Variants in PTH2R observed in about 807,000 individuals in gnomAD.
The protein encoded by PTH2R is parathyroid hormone 2 receptor.
In PTH2R, 59 loss-of-function variants were observed where a neutral mutation model predicts 60.3. The ratio of observed to expected loss-of-function variants is 0.98; its 90% CI spans 0.79 to 1.22. PTH2R has a LOEUF of 1.22. Ranked by LOEUF, PTH2R falls within the 50% of genes most tolerant of loss-of-function variation. The probability of loss-of-function intolerance (pLI) is 0.00; values close to 1 mark genes in which losing one functional copy is unlikely to be tolerated. For missense variants in PTH2R, 749 were observed against 682.6 expected, an observed-to-expected ratio of 1.10 and a Z score of -1.08; for synonymous variants, 256 against 243.8, an observed-to-expected ratio of 1.05 and a Z score of -0.47.
chr2:208,409,843 T>G (rs781542169), intron 1 of PTH2R, among the ~76,000 whole-genome samples: 1 of 152,216 alleles, frequency 6.6e-6, no homozygotes, highest in Non-Finnish European at 1.5e-5. Context: ...TATAAACATG[T>G]TCAGTATTTT....
rs116362389 is a variant in PTH2R at position 208,481,042 on chromosome 2, T to C, written c.982-28T>C. 454 of 1,446,134 alleles carry C rather than the reference T, an allele frequency of 3.1e-4. 3 individuals carry two copies. In the African/African-American group the frequency reaches 5.6e-3, roughly 18 times the overall value. The allele number at this position is 1,446,134 out of a possible 1,614,324, so 89.6% of individuals were successfully genotyped here. A position where few individuals can be genotyped will look rare whatever the true frequency, so the allele number is the denominator to read the frequency against. On this transcript the variant is annotated intron_variant, in intron 9 of 12. Transcript: ENST00000272847. ...TAAAAATCTTGAAGACTAACAATAA[T>C]TCTTTGTAATCTTACCTTCTTTTTC...
At chr2:208,458,806 T>A (rs1323296688) in intron 8 of PTH2R, among the ~76,000 whole-genome samples, 2 of 152,194 alleles carry the variant, frequency 1.3e-5, no homozygotes, top group Admixed American at 1.3e-4. Flanking sequence ...TTGCATAATA[T>A]TCCATGGTAT....
chr2:208,368,759 C>T (rs531317964), intron 1 of PTH2R, among the ~76,000 whole-genome samples: 1 of 152,264 alleles, frequency 6.6e-6, no homozygotes, highest in African/African-American at 2.4e-5. Context: ...CACTCTGTCT[C>T]CTCCTCTGGT....
At chr2:208,422,290 T>G (rs923856110) in intron 1 of PTH2R, among the ~76,000 whole-genome samples, 1 of 152,134 alleles carries the variant, frequency 6.6e-6, no homozygotes, top group African/African-American at 2.4e-5. Flanking sequence ...AAGGTTAATC[T>G]TGGATGAAGA....
At chr2:208,416,461 G>A (rs942935464) in intron 1 of PTH2R, among the ~76,000 whole-genome samples, 9 of 152,272 alleles carry the variant, frequency 5.9e-5, no homozygotes, top group Admixed American at 1.3e-4. Flanking sequence ...AATAGAAGCC[G>A]CATACTTTGA....
chr2:208,377,668 C>T (rs6435457), intron 1 of PTH2R, among the ~76,000 whole-genome samples: 137,197 of 149,024 alleles, frequency 0.92, 63,843 homozygotes, highest in Non-Finnish European at 0.98. Context: ...GGGCAGCTGC[C>T]GGGCGGAGGG....
chr2:208,364,768 CA>C (rs1267977144), intron 1 of PTH2R, among the ~76,000 whole-genome samples: 3 of 152,160 alleles, frequency 2.0e-5, no homozygotes, highest in Non-Finnish European at 4.4e-5. Flanking sequence ...GTGATATTAA[CA>C]TCTTAATAAT....
At chr2:208,444,092 C>T (rs139466308) in intron 6 of PTH2R, among the ~76,000 whole-genome samples, 22 of 152,292 alleles carry the variant, frequency 1.4e-4, no homozygotes, top group South Asian at 4.1e-4. Context: ...AATACCCTGT[C>T]TGGATCTGTG....
rs1574922544 is a variant in PTH2R, at chr2:208,493,602, T to C, written c.1596T>C (p.Pro532=). The C allele has an allele frequency of 6.2e-7, 1 of 1,601,274 alleles. No individual in the cohort carries two copies. The highest frequency in any genetic ancestry group is 8.5e-7 in the Non-Finnish European group (1 of 1,172,528). Residue 532 remains proline, a synonymous_variant, in exon 13 of 13, where the codon CCT becomes CCC. Transcript: ENST00000272847. ...DDILMEKPSR[P]MESNPDTEGC... ...TTCTAATGGAGAAGCCTTCCAGGCC[T>C]ATGGAATCTAACCCAGACACTGAAG...
intron 9 of PTH2R, among the ~76,000 whole-genome samples, chr2:208,471,605 A>G (rs962391284): frequency 6.6e-6 from 1 of 152,256 alleles, no homozygotes; most frequent in Non-Finnish European, 1.5e-5. Context: ...AAATGCTTGG[A>G]TGTCCAGGCA....
At chr2:208,394,435 T>C (rs1701166538) in intron 1 of PTH2R, among the ~76,000 whole-genome samples, 1 of 152,142 alleles carries the variant, frequency 6.6e-6, no homozygotes, top group Non-Finnish European at 1.5e-5. Flanking sequence ...CAGTAGGGGG[T>C]GTCCCCCCCA....
chr2:208,365,564 C>G, intron 1 of PTH2R, among the ~76,000 whole-genome samples: 1 of 151,904 alleles, frequency 6.6e-6, no homozygotes, highest in East Asian at 1.9e-4. Context: ...TTTGAGTGTG[C>G]TGTTGAATTT....
chr2:208,488,986 T>C (rs749664875), intron 10 of PTH2R, 26 bp from the exon 11 acceptor site: 1 of 1,612,578 alleles, frequency 6.2e-7, no homozygotes, highest in Admixed American at 1.7e-5. Context: ...AGTTAATGAA[T>C]GAAAAGACTT....
intron 1 of PTH2R, among the ~76,000 whole-genome samples, chr2:208,363,706 C>T (rs1457312961): frequency 3.3e-5 from 5 of 152,112 alleles, no homozygotes; most frequent in Non-Finnish European, 7.4e-5. Context: ...TAATGATAGC[C>T]ATTCTGACTC....
Position 208,479,667 on chromosome 2 carries a change from G to A in PTH2R, c.982-1403G>A, listed in dbSNP as rs557635792. Among the ~76,000 whole-genome samples, 179 of 152,256 alleles carry A rather than the reference G, an allele frequency of 1.2e-3. 1 individual carries two copies. Among genetic ancestry groups the A allele is most frequent in the African/African-American group, 4.2e-3 (175 of 41,534 alleles). ...CTGCGAGTTGTAGTGGGTGAAGATG[G>A]AAATCCTCAACTCTCATGTTTTGCA... On this transcript the variant is annotated intron_variant, in intron 9 of 12. Coordinates refer to ENST00000272847, the MANE Select transcript of PTH2R (RefSeq NM_005048.4).
chr2:208,412,970 A>G (rs1002981563), intron 1 of PTH2R, among the ~76,000 whole-genome samples: 1 of 151,640 alleles, frequency 6.6e-6, no homozygotes, highest in East Asian at 1.9e-4. Context: ...TCCTATGACT[A>G]TTTTCCTGTC....
intron 1 of PTH2R, among the ~76,000 whole-genome samples, chr2:208,419,398 A>G (rs906425881): frequency 2.6e-5 from 4 of 151,908 alleles, no homozygotes; most frequent in African/African-American, 9.7e-5. Context: ...AATTTGTTTG[A>G]GTTCATTGTA....
At chr2:208,488,162 A>G (rs1703316778) in intron 10 of PTH2R, among the ~76,000 whole-genome samples, 1 of 152,202 alleles carries the variant, frequency 6.6e-6, no homozygotes, top group Admixed American at 6.5e-5. Context: ...AAACTATATC[A>G]AACTACTTAG....
chr2:208,402,438 C>T (rs72986744), upstream of PTH2R, among the ~76,000 whole-genome samples: 8,687 of 152,106 alleles, frequency 0.057, 317 homozygotes, highest in Non-Finnish European at 0.08. Context: ...AGTGGTCTTT[C>T]TTGTCTAGAA....
Sources: allele counts gnomAD v4.1 joint callset (sites outside exome capture counted in the v4.1 genomes callset), GRCh38; gene constraint gnomAD v4.1.1; transcripts MANE v1.5; gene names NCBI Gene and HGNC (gene_info 2026-07-23, HGNC 2026-07-21).